The following CRTC3 variants were observed in gnomAD, a reference collection of about 807,000 sequenced individuals.
CRTC3 encodes the protein CREB-regulated transcription coactivator 3.
In CRTC3, 26 loss-of-function variants were observed where a neutral mutation model predicts 74.5. The observed-to-expected ratio is 0.35, with a 90% CI of 0.26 to 0.48. The LOEUF (loss-of-function observed/expected upper bound fraction) is 0.48. CRTC3 is among the 20% of genes least tolerant of loss of function. CRTC3 has a pLI of 0.99. For synonymous variants in CRTC3, 377 were observed against 325.8 expected (o/e 1.16, Z -1.69); for missense variants, 760 against 787.3 (o/e 0.97, Z 0.41).
At chr15:90,535,543 G>A (rs1327622383) in intron 1 of CRTC3, among the ~76,000 whole-genome samples, 1 of 152,178 alleles carries the variant, frequency 6.6e-6, no homozygotes, top group African/African-American at 2.4e-5. Flanking sequence ...TATTCCAGAA[G>A]TTTGGCTGTG....
In CRTC3 at chr15:90,640,666, A is replaced by G. The variant is rs565680495; in HGVS notation, c.1549-431A>G. On this transcript the variant is annotated intron_variant, in intron 13 of 14. Transcript: ENST00000268184. ...CATTGCACTCCAGCCTGGGCAACAG[A>G]GACCCTATCTTTAAAAAAAAAAAGA... Among the ~76,000 whole-genome samples, 8 of 145,346 alleles carry G rather than the reference A, an allele frequency of 5.5e-5. 1 individual carries two copies. The highest frequency in any genetic ancestry group is 2.1e-4 in the African/African-American group (8 of 37,266).
chr15:90,640,697 G>C (rs1294205413), intron 13 of CRTC3, among the ~76,000 whole-genome samples: 1 of 151,600 alleles, frequency 6.6e-6, no homozygotes, highest in Admixed American at 6.6e-5. Flanking sequence ...AAAGAAGAAA[G>C]AAACCAAGGA....
chr15:90,638,902 G>C (rs1969339304), intron 13 of CRTC3, 87 bp downstream of exon 13: 1 of 1,083,978 alleles, frequency 9.2e-7, no homozygotes. Flanking sequence ...GAACTGAGCA[G>C]ACCAGACATG....
At position 90,643,079 on chromosome 15, in the gene CRTC3, A is replaced by T. The variant is rs1296982131; in HGVS notation, c.*939A>T. ...CTGTGTCTCTGTGGGCTGGGAGTCT[A>T]ATGTCACCCCCCTAGACCGTAAGCT... On this transcript the variant is annotated 3_prime_UTR_variant, in exon 15 of 15. Coordinates refer to ENST00000268184, the MANE Select transcript of CRTC3 (RefSeq NM_022769.5). The T allele has an allele frequency of 4.3e-6, 1 of 232,004 alleles. No individual in the cohort carries two copies. The highest frequency in any genetic ancestry group is 2.2e-5 in the African/African-American group (1 of 45,266). 14.4% of individuals were successfully genotyped at this position (232,004 alleles called of 1,614,324 possible). A position where few individuals can be genotyped will look rare whatever the true frequency, so the allele number is the denominator to read the frequency against.
chr15:90,612,273 G>A (rs867983549), intron 6 of CRTC3, among the ~76,000 whole-genome samples: 1 of 152,000 alleles, frequency 6.6e-6, no homozygotes, highest in Non-Finnish European at 1.5e-5. Context: ...CATCTACGTC[G>A]CAGAGTTGCT....
In CRTC3 at chr15:90,602,327, G is replaced by A. The variant is rs147681624; in HGVS notation, c.355G>A (p.Asp119Asn). Residue 119 changes from aspartate (D) to asparagine (N), a missense_variant, in exon 4 of 15, where the codon GAT (aspartate) becomes AAT (asparagine). This residue lies in a region of CRTC3 where 652 missense variants were observed against 635.2 expected (regional missense o/e 1.03). Coordinates refer to ENST00000268184, the MANE Select transcript of CRTC3 (RefSeq NM_022769.5). ...RSGDKPGRQF[D>N]GSAFGANYSS... ...TTTCCTTTATTAAAAATTCTACTTT[G>A]ATGGTAGTGCTTTTGGAGCCAATTA... 189 of 1,574,878 alleles carry A rather than the reference G, an allele frequency of 1.2e-4. No individual in the cohort carries two copies. Among genetic ancestry groups the A allele is most frequent in the Middle Eastern group, 6.7e-4 (4 of 5,980 alleles).
rs186236850 is a variant in CRTC3 at position 90,627,991 on chromosome 15, G to T, written c.968-1243G>T. Among the ~76,000 whole-genome samples the T allele has an allele frequency of 3.6e-3, 546 of 150,306 alleles. 4 individuals carry two copies. Among genetic ancestry groups the T allele is most frequent in the Non-Finnish European group, 3.7e-3 (249 of 67,560 alleles). ...CCGGCACTTTGGGAGGCCGAGGCGA[G>T]TGGATCACGAGGTCAGGAGATCGAG... On this transcript the variant is annotated intron_variant, in intron 10 of 14. Coordinates refer to ENST00000268184, the MANE Select transcript of CRTC3 (RefSeq NM_022769.5).
chr15:90,630,644 A>G lies in CRTC3; in HGVS notation c.1266+1112A>G, dbSNP rs146331483. Reference sequence around the variant, plus strand: ...AAAGAAAAGCCCATTATAGAAACACAGGGGTTGAAACATCCTATAAATTCT... The same window carrying G: ...AAAGAAAAGCCCATTATAGAAACACGGGGGTTGAAACATCCTATAAATTCT... On this transcript the variant is annotated intron_variant, in intron 11 of 14. Transcript: ENST00000268184. Among the ~76,000 whole-genome samples the G allele has an allele frequency of 3.3e-3, 499 of 152,162 alleles. 8 individuals are homozygous for G. The highest frequency in any genetic ancestry group is 0.026 in the Admixed American group (399 of 15,274).
At chr15:90,587,749 G>T (rs7496662) in intron 2 of CRTC3, among the ~76,000 whole-genome samples, 97,589 of 151,160 alleles carry the variant, frequency 0.65, 31,868 homozygotes, top group South Asian at 0.84. Context: ...AAGTAGCTGG[G>T]ACTACAAGCG....
Position 90,584,527 on chromosome 15 carries a change from G to A in CRTC3, c.232-9109G>A, listed in dbSNP as rs376109566. 1.4e-4 allele frequency among the ~76,000 whole-genome samples: 22 copies of A among 152,250 alleles called. No individual in the cohort carries two copies. The East Asian group carries it at 3.5e-3, about 24-fold the overall frequency. Reference sequence around the variant, plus strand: ...ACTGGGATTATAGGCATGAGCCACCGTGCCCGGCCCCCAGCAGAATTTTTA... The same window carrying A: ...ACTGGGATTATAGGCATGAGCCACCATGCCCGGCCCCCAGCAGAATTTTTA... On this transcript the variant is annotated intron_variant, in intron 2 of 14. Transcript: ENST00000268184.
At chr15:90,576,369 TAGG>T (rs1331741067) in intron 2 of CRTC3, among the ~76,000 whole-genome samples, 1 of 152,082 alleles carries the variant, frequency 6.6e-6, no homozygotes, top group Non-Finnish European at 1.5e-5. Flanking sequence ...CTTTCTGGGT[TAGG>T]CCGTCGAGTG....
chr15:90,551,613 C>A (rs1006614926), intron 2 of CRTC3, among the ~76,000 whole-genome samples: 4 of 152,034 alleles, frequency 2.6e-5, no homozygotes, highest in African/African-American at 9.7e-5. Context: ...AGTTTCAGCA[C>A]CGGATTAAGT....
intron 2 of CRTC3, among the ~76,000 whole-genome samples, chr15:90,544,024 G>A (rs886536726): frequency 6.6e-6 from 1 of 152,146 alleles, no homozygotes; most frequent in Non-Finnish European, 1.5e-5. Flanking sequence ...TCCTAGGGCT[G>A]CTGTAACAAA....
intron 11 of CRTC3, chr15:90,634,791 G>A: frequency 5.2e-6 from 7 of 1,342,934 alleles, no homozygotes; most frequent in Non-Finnish European, 7.4e-6. Flanking sequence ...AAGGAGCGCT[G>A]CTAAAACTGT....
At position 90,602,381 on chromosome 15, in the gene CRTC3, C is replaced by T; in HGVS notation, c.409C>T (p.Pro137Ser). The change falls in exon 4 of 15, where the codon CCA becomes TCA. Residue 137 changes from proline to serine, a missense_variant. By Grantham distance (74) the Pro-to-Ser change is moderately conservative (BLOSUM62 -1). Coordinates refer to ENST00000268184, the MANE Select transcript of CRTC3 (RefSeq NM_022769.5). ...YSSQPLDESWPRQQPPWKDEK... is the reference protein window; with the variant it reads ...YSSQPLDESWSRQQPPWKDEK... Reference sequence around the variant, plus strand: ...CTCACAGCCTCTGGATGAGAGTTGGCCAAGGTAAGCAAGACATACTTTAAA... The same window carrying T: ...CTCACAGCCTCTGGATGAGAGTTGGTCAAGGTAAGCAAGACATACTTTAAA... 1.3e-6 allele frequency: 2 copies of T among 1,571,394 alleles called. No individual in the cohort carries two copies. The highest frequency in any genetic ancestry group is 8.8e-7 in the Non-Finnish European group (1 of 1,142,032).
intron 11 of CRTC3, among the ~76,000 whole-genome samples, chr15:90,636,093 T>C (rs947653282): frequency 1.5e-4 from 23 of 152,230 alleles, no homozygotes; most frequent in African/African-American, 5.5e-4. Context: ...GAGCCCACAT[T>C]GCCAAGTCAA....
At chr15:90,539,595 G>T in intron 1 of CRTC3, 1 of 180,252 alleles carries the variant, frequency 5.5e-6, no homozygotes, top group Non-Finnish European at 1.1e-5. Context: ...CTTATGATGA[G>T]CATGCTAGGT....
chr15:90,593,435 A>T lies in CRTC3; in HGVS notation c.232-201A>T, dbSNP rs116995616. Reference sequence around the variant, plus strand: ...TTCAGCTTTCCTCTTAACACACTACAGATTATTTGTCATTATTTTATGGTT... The same window carrying T: ...TTCAGCTTTCCTCTTAACACACTACTGATTATTTGTCATTATTTTATGGTT... On this transcript the variant is annotated intron_variant, in intron 2 of 14. Transcript: ENST00000268184. Among the ~76,000 whole-genome samples, 658 of 152,318 alleles carry T rather than the reference A, an allele frequency of 4.3e-3. 2 individuals are homozygous for T. The highest frequency in any genetic ancestry group is 5.4e-3 in the Non-Finnish European group (370 of 68,036).
chr15:90,564,987 G>A (rs142678578), intron 2 of CRTC3, among the ~76,000 whole-genome samples: 1 of 151,458 alleles, frequency 6.6e-6, no homozygotes, highest in East Asian at 1.9e-4. Context: ...TTTTTGCCCA[G>A]GCTGGAGTGC....
Sources: allele counts gnomAD v4.1 joint callset (sites outside exome capture counted in the v4.1 genomes callset), GRCh38; gene constraint gnomAD v4.1.1; regional missense constraint gnomAD v4.1.1; transcripts MANE v1.5; gene names NCBI Gene and HGNC (gene_info 2026-07-23, HGNC 2026-07-21).